TRMT5: variants seen among roughly 807,000 people sequenced by gnomAD.
TRMT5 encodes tRNA (guanine(37)-N(1))-methyltransferase.
In TRMT5, 31 loss-of-function variants were observed where a neutral mutation model predicts 42.2. That is an observed-to-expected ratio of 0.73 (90% CI 0.55 to 0.99). The LOEUF (loss-of-function observed/expected upper bound fraction) is 0.99. Ranked by LOEUF, TRMT5 falls within the 50% of genes least tolerant of loss-of-function variation. TRMT5 has a pLI of 0.00. For missense variants in TRMT5, 568 were observed against 595.0 expected, an observed-to-expected ratio of 0.95 and a Z score of 0.47; for synonymous variants, 198 against 209.6, an observed-to-expected ratio of 0.94 and a Z score of 0.48.
intron 3 of TRMT5, among the ~76,000 whole-genome samples, chr14:60,977,112 C>T (rs972812815): frequency 2.1e-4 from 32 of 152,116 alleles, no homozygotes; most frequent in African/African-American, 7.0e-4. Context: ...AATGTTTCTG[C>T]AAATTTCTGC....
rs144387638 is a variant in TRMT5, at chr14:60,971,631, GA to G, written c.*3477del. 0.027 allele frequency: 5,182 copies of G among 190,164 alleles called. 141 individuals carry two copies. Among genetic ancestry groups the G allele is most frequent in the African/African-American group, 0.082 (3,442 of 41,968 alleles). The allele number at this position is 190,164 out of a possible 1,614,324, so 11.8% of individuals were successfully genotyped here. A position where few individuals can be genotyped will look rare whatever the true frequency, so the allele number is the denominator to read the frequency against. On this transcript the variant is annotated 3_prime_UTR_variant, in exon 5 of 5. Transcript: ENST00000261249. ...GTCCTCATCTGATGCTCTGAACAGG[GA>G]AAGTTTAGAGGGTTAACATTTCACA...
chr14:60,980,918 G>A (rs748755183), intron 1 of TRMT5, 45 bp downstream of exon 1: 15 of 1,612,340 alleles, frequency 9.3e-6, no homozygotes, highest in Admixed American at 1.7e-5. Flanking sequence ...GGGCGGGCTG[G>A]TACCTCCCCT....
intron 3 of TRMT5, among the ~76,000 whole-genome samples, chr14:60,977,180 T>C (rs188877552): frequency 6.6e-6 from 1 of 152,324 alleles, no homozygotes; most frequent in East Asian, 1.9e-4. Context: ...CGAGAACTAT[T>C]TTATACATAC....
At chr14:60,981,410 G>C (rs117141965), upstream of TRMT5, 23,736 of 1,563,252 alleles carry the variant, frequency 0.015, 361 homozygotes, top group South Asian at 0.061. Flanking sequence ...GCTTCCCCGC[G>C]CTGACGCCCT....
At chr14:60,975,273 C>A in intron 4 of TRMT5, 79 bp from the exon 5 acceptor site, 1 of 1,342,030 alleles carries the variant, frequency 7.5e-7, no homozygotes, top group South Asian at 1.4e-5. Context: ...ACAATATAGG[C>A]ATTTTTAATC....
chr14:60,976,476 T>G (rs970528835), intron 3 of TRMT5, among the ~76,000 whole-genome samples: 3 of 152,226 alleles, frequency 2.0e-5, no homozygotes, highest in African/African-American at 7.2e-5. Flanking sequence ...TATACTCTTA[T>G]GTCACCAGAT....
At position 60,979,235 on chromosome 14, in the gene TRMT5, T is replaced by C. The variant is rs751719058; in HGVS notation, c.663A>G (p.Leu221=). 6.2e-7 allele frequency: 1 copy of C among 1,600,640 alleles called. No individual in the cohort carries two copies. Among genetic ancestry groups the C allele is most frequent in the South Asian group, 1.1e-5 (1 of 88,444 alleles). ...ATATTACTATGACACACGTACCAAT[T>C]AAATGTTTGAAAGGCAGCTGATGAT... The part of the protein sequence containing the change: ...LRDHQLPFKH[L]IGQVMIDKNP... The change falls in exon 2 of 5, where the codon TTA becomes TTG. Residue 221 remains leucine (L), a synonymous_variant. Transcript: ENST00000261249.
At position 60,979,720 on chromosome 14, in the gene TRMT5, T is replaced by C. The variant is rs763884426; in HGVS notation, c.178A>G (p.Met60Val). Residue 60 changes from methionine (M) to valine (V), a missense_variant, in exon 2 of 5, where the codon ATG becomes GTG. Met to Val is a conservative substitution (Grantham distance 21). Transcript: ENST00000261249. ...CTCTCATGTGTTTCTGTTTCTGGCATGGTTGAGAATCTTTTTCTTTGACCC... is the reference window on the plus strand; with the variant it reads ...CTCTCATGTGTTTCTGTTTCTGGCACGGTTGAGAATCTTTTTCTTTGACCC... ...LLGQRKRFST[M>V]PETETHERET... is the part of the protein sequence containing the mutation. The C allele has an allele frequency of 6.2e-7, 1 of 1,614,146 alleles. No homozygotes were observed. Among genetic ancestry groups the C allele is most frequent in the Non-Finnish European group, 8.5e-7 (1 of 1,180,024 alleles).
rs1198640003 is a variant in TRMT5 at position 60,972,494 on chromosome 14, G to C, written c.*2615C>G. 7 of 473,120 alleles carry C rather than the reference G, an allele frequency of 1.5e-5. No individual in the cohort carries two copies. The Admixed American group carries it at 1.6e-4, about 11-fold the overall frequency. The allele number at this position is 473,120 out of a possible 1,614,324, so 29.3% of individuals were successfully genotyped here. A position where few individuals can be genotyped will look rare whatever the true frequency, so the allele number is the denominator to read the frequency against. On this transcript the variant is annotated 3_prime_UTR_variant, in exon 5 of 5. Transcript: ENST00000261249. ...CGGCGGCGGCGGCGGCGGGATGTGG[G>C]CACCGGGTGTGGGACGCAGCAGCGC...
At chr14:60,977,398 C>T in intron 3 of TRMT5, 116 bp downstream of exon 3, 1 of 1,021,278 alleles carries the variant, frequency 9.8e-7, no homozygotes, top group Non-Finnish European at 1.4e-6. Context: ...CATAAGTGAT[C>T]ACATTCTCAC....
At position 60,972,314 on chromosome 14, in the gene TRMT5, CT is replaced by C; in HGVS notation, c.*2794del. ...CTTTTCTCTTTTTCCCTTTGGGTAC[CT>C]TCTCTCCCTTCTTTGCAGGGGCCTT... On this transcript the variant is annotated 3_prime_UTR_variant, in exon 5 of 5. Transcript: ENST00000261249. 1.8e-6 allele frequency: 1 copy of C among 540,826 alleles called. No homozygotes were observed. The allele number at this position is 540,826 out of a possible 1,614,324, so 33.5% of individuals were successfully genotyped here.
chr14:60,976,741 TTC>T (rs2036853532), intron 3 of TRMT5, among the ~76,000 whole-genome samples: 2 of 152,216 alleles, frequency 1.3e-5, no homozygotes, highest in South Asian at 2.1e-4. Context: ...CATTCCCAGA[TTC>T]TCTTTCCCAA....
chr14:60,971,513 A>T lies in TRMT5; in HGVS notation c.*3596T>A, dbSNP rs2036773286. 1 of 152,856 alleles carries T rather than the reference A, an allele frequency of 6.5e-6. No homozygotes were observed. Among genetic ancestry groups the T allele is most frequent in the Non-Finnish European group, 1.5e-5 (1 of 68,370 alleles). 9.5% of individuals were successfully genotyped at this position (152,856 alleles called of 1,614,324 possible). A position where few individuals can be genotyped will look rare whatever the true frequency, so the allele number is the denominator to read the frequency against. On this transcript the variant is annotated 3_prime_UTR_variant, in exon 5 of 5. Coordinates refer to ENST00000261249, the MANE Select transcript of TRMT5 (RefSeq NM_020810.3). Reference sequence around the variant, plus strand: ...CATAAACAATCATGGTATTTCAGGCAGGACATGGGCAGACAGTCATTAACA... The same window carrying T: ...CATAAACAATCATGGTATTTCAGGCTGGACATGGGCAGACAGTCATTAACA...
At chr14:60,981,366 G>A, upstream of TRMT5, 1 of 1,604,888 alleles carries the variant, frequency 6.2e-7, no homozygotes, top group Non-Finnish European at 8.5e-7. Flanking sequence ...GAAGAGTTGA[G>A]TCCGTTGCTA....
chr14:60,980,733 G>C, intron 1 of TRMT5: 1 of 635,968 alleles, frequency 1.6e-6, no homozygotes, highest in African/African-American at 1.8e-5. Flanking sequence ...CTGACCAGCT[G>C]GGTGACCCTG....
intron 3 of TRMT5, among the ~76,000 whole-genome samples, chr14:60,976,525 C>A (rs2036850374): frequency 6.6e-6 from 1 of 152,208 alleles, no homozygotes; most frequent in Non-Finnish European, 1.5e-5. Flanking sequence ...CAACACACCA[C>A]CCATATCTTC....
rs771342834 is a variant in TRMT5 at position 60,979,785 on chromosome 14, AG to A, written c.112del (p.Leu38Ter). On this transcript the variant is annotated frameshift_variant, in exon 2 of 5. Transcript: ENST00000261249. LOFTEE classifies it high-confidence loss of function. Reference protein sequence around the residue: ...KSLIPVAWTSLTQMLLEAPGI... With the variant: ...KSLIPVAWTSXTQMLLEAPGI... ...AGGTGCTTCCAAAAGCATCTGTGTC[AG>A]GGATGTCCAAGCTACTGGAATCAAC... 6.2e-7 allele frequency: 1 copy of A among 1,614,028 alleles called. No homozygotes were observed. The highest frequency in any genetic ancestry group is 2.2e-5 in the East Asian group (1 of 44,866).
In TRMT5 at chr14:60,981,041, A is replaced by C. The variant is rs887963625; in HGVS notation, c.-68T>G. On this transcript the variant is annotated 5_prime_UTR_variant, in exon 1 of 5. Coordinates refer to ENST00000261249, the MANE Select transcript of TRMT5 (RefSeq NM_020810.3). Reference sequence around the variant, plus strand: ...CCCCTCACCTCCCGCTCCGGTACCGATCGGATGTGGGTCGCGGGTGGATGG... The same window carrying C: ...CCCCTCACCTCCCGCTCCGGTACCGCTCGGATGTGGGTCGCGGGTGGATGG... 1 of 1,609,640 alleles carries C rather than the reference A, an allele frequency of 6.2e-7. No individual in the cohort carries two copies. Among genetic ancestry groups the C allele is most frequent in the African/African-American group, 1.3e-5 (1 of 75,022 alleles).
intron 2 of TRMT5, 29 bp from the exon 3 acceptor site, chr14:60,977,667 C>T: frequency 6.4e-7 from 1 of 1,569,176 alleles, no homozygotes; most frequent in Non-Finnish European, 8.6e-7. Flanking sequence ...ATCCATAATA[C>T]TGCCTATTGG....
Sources: gnomAD v4.1 joint callset for allele counts (sites outside exome capture counted in the v4.1 genomes callset) on GRCh38, gnomAD v4.1.1 for gene constraint, MANE v1.5 for transcripts, NCBI Gene and HGNC (gene_info 2026-07-23, HGNC 2026-07-21) for gene names.